The following NAV2 variants were observed in gnomAD, a reference collection of about 807,000 sequenced individuals.
The protein encoded by NAV2 is helicase, APC down-regulated 1.
A neutral mutation model predicts 223.2 loss-of-function variants in NAV2; 54 were observed. The ratio of observed to expected loss-of-function variants is 0.24; its 90% CI spans 0.19 to 0.30. The LOEUF (loss-of-function observed/expected upper bound fraction) is 0.30, where lower values mean the gene tolerates loss of function less well. NAV2 is among the 10% of genes least tolerant of loss of function. The probability of loss-of-function intolerance (pLI) is 1.00; values close to 1 mark genes in which losing one functional copy is unlikely to be tolerated. For missense variants in NAV2, 2,806 were observed against 3,147.5 expected (o/e 0.89, Z 2.60); for synonymous variants, 1,279 against 1,239.3 (o/e 1.03, Z -0.67).
chr11:19,770,704 T>C (rs1384483530), intron 1 of NAV2, among the ~76,000 whole-genome samples: 1 of 151,096 alleles, frequency 6.6e-6, no homozygotes, highest in Non-Finnish European at 1.5e-5. Context: ...TCTTCAATTA[T>C]TCATTCATTC....
At chr11:19,903,926 A>C (rs544226993) in intron 6 of NAV2, among the ~76,000 whole-genome samples, 2 of 152,320 alleles carry the variant, frequency 1.3e-5, no homozygotes, top group Admixed American at 1.3e-4. Flanking sequence ...CATGTGGCCT[A>C]GTGGAAAGAC....
chr11:19,624,355 GCCC>G (rs1220453352), intron 1 of NAV2, among the ~76,000 whole-genome samples: 2 of 152,184 alleles, frequency 1.3e-5, no homozygotes, highest in Non-Finnish European at 2.9e-5. Flanking sequence ...GCTATGCCCT[GCCC>G]CCAGAGGTGG....
chr11:20,067,612 G>C (rs1411294521), intron 20 of NAV2, among the ~76,000 whole-genome samples: 1 of 151,456 alleles, frequency 6.6e-6, no homozygotes, highest in Non-Finnish European at 1.5e-5. Flanking sequence ...CAAGTAGCTG[G>C]GATTATGGGT....
intron 1 of NAV2, among the ~76,000 whole-genome samples, chr11:19,687,009 T>C (rs1197862587): frequency 6.6e-6 from 1 of 152,220 alleles, no homozygotes; most frequent in African/African-American, 2.4e-5. Flanking sequence ...CAAGGTCACA[T>C]GACTAGAAAG....
chr11:20,059,817 T>C (rs955294544), intron 19 of NAV2, among the ~76,000 whole-genome samples: 7 of 152,228 alleles, frequency 4.6e-5, no homozygotes, highest in African/African-American at 1.7e-4. Context: ...AGGAAAAATA[T>C]GTAGCCTGCT....
chr11:20,099,244 G>C (rs985409577), intron 31 of NAV2, among the ~76,000 whole-genome samples: 2 of 152,184 alleles, frequency 1.3e-5, no homozygotes, highest in African/African-American at 2.4e-5. Flanking sequence ...TACCATGAGG[G>C]GAAGCAGGAA....
chr11:19,471,060 G>A (rs2041949114), intron 1 of NAV2, among the ~76,000 whole-genome samples: 2 of 152,128 alleles, frequency 1.3e-5, no homozygotes, highest in Admixed American at 1.3e-4. Context: ...GGACCATTTG[G>A]TGTCCCCCAG....
At chr11:20,000,698 C>T (rs1365376700) in intron 11 of NAV2, among the ~76,000 whole-genome samples, 1 of 152,274 alleles carries the variant, frequency 6.6e-6, no homozygotes, top group South Asian at 2.1e-4. Flanking sequence ...AGGGAGGCTT[C>T]TGTACACAAG....
intron 1 of NAV2, among the ~76,000 whole-genome samples, chr11:19,586,942 C>T (rs1263505151): frequency 6.6e-6 from 1 of 152,260 alleles, no homozygotes; most frequent in Non-Finnish European, 1.5e-5. Context: ...GAGGTTTCTG[C>T]TGCCTTTTGT....
At chr11:19,870,592 C>G (rs1184240252) in intron 4 of NAV2, among the ~76,000 whole-genome samples, 1 of 152,088 alleles carries the variant, frequency 6.6e-6, no homozygotes, top group Non-Finnish European at 1.5e-5. Context: ...CCCCATCTGT[C>G]CCATCCTCTC....
intron 1 of NAV2, among the ~76,000 whole-genome samples, chr11:19,744,953 C>T (rs1328576508): frequency 6.6e-6 from 1 of 152,188 alleles, no homozygotes; most frequent in African/African-American, 2.4e-5. Context: ...TCTATTTTTG[C>T]ACAGTTTCCC....
chr11:19,764,626 G>A (rs575483256), intron 1 of NAV2, among the ~76,000 whole-genome samples: 3 of 152,334 alleles, frequency 2.0e-5, no homozygotes, highest in South Asian at 2.1e-4. Context: ...ACATGTAAGA[G>A]TAAGCCTTCA....
At chr11:19,747,920 G>A (rs1318697787) in intron 1 of NAV2, among the ~76,000 whole-genome samples, 1 of 152,190 alleles carries the variant, frequency 6.6e-6, no homozygotes, top group African/African-American at 2.4e-5. Flanking sequence ...AGGCTGCTAG[G>A]CCTCTGTCTG....
At chr11:19,768,035 C>G (rs944553969) in intron 1 of NAV2, among the ~76,000 whole-genome samples, 1 of 152,242 alleles carries the variant, frequency 6.6e-6, no homozygotes, top group East Asian at 1.9e-4. Flanking sequence ...GCTGGGACAG[C>G]AAATCCTCAG....
At chr11:20,066,926 T>G in intron 20 of NAV2, among the ~76,000 whole-genome samples, 1 of 151,992 alleles carries the variant, frequency 6.6e-6, no homozygotes. Context: ...AGGAGGAGGG[T>G]TCCTCTTTAT....
intron 31 of NAV2, among the ~76,000 whole-genome samples, chr11:20,100,635 CTCATGAAT>C (rs1244705975): frequency 6.6e-6 from 1 of 151,456 alleles, no homozygotes; most frequent in Non-Finnish European, 1.5e-5. Context: ...AGCCCAGAGC[CTCATGAAT>C]TCTGCAGAGG....
At chr11:19,428,063 C>T (rs934937706) in intron 1 of NAV2, among the ~76,000 whole-genome samples, 2 of 151,846 alleles carry the variant, frequency 1.3e-5, no homozygotes, top group African/African-American at 2.4e-5. Flanking sequence ...AACTTCTTTA[C>T]CCTGAGGTTG....
At chr11:19,735,563 G>A (rs2052203309) in intron 1 of NAV2, among the ~76,000 whole-genome samples, 1 of 152,218 alleles carries the variant, frequency 6.6e-6, no homozygotes, top group South Asian at 2.1e-4. Flanking sequence ...TGCAGGCACA[G>A]CAAGGCCTTG....
At chr11:19,832,118 A>G (rs984095142) in intron 1 of NAV2, among the ~76,000 whole-genome samples, 4 of 152,140 alleles carry the variant, frequency 2.6e-5, no homozygotes, top group Non-Finnish European at 5.9e-5. Context: ...AGAGAAAAAG[A>G]TGGGAAGGGG....
Sources: gnomAD v4.1 joint callset for allele counts (sites outside exome capture counted in the v4.1 genomes callset) on GRCh38, gnomAD v4.1.1 for gene constraint, MANE v1.5 for transcripts, NCBI Gene and HGNC (gene_info 2026-07-23, HGNC 2026-07-21) for gene names.